The following ATP13A4 variants were observed in gnomAD, a reference collection of about 807,000 sequenced individuals.
The protein encoded by ATP13A4 is probable cation-transporting ATPase 13A4.
Under a neutral mutation model 142.5 loss-of-function variants are expected in ATP13A4, and 114 were observed. The observed-to-expected ratio is 0.80, with a 90% CI of 0.69 to 0.93. The LOEUF (loss-of-function observed/expected upper bound fraction) is 0.93, where lower values mean the gene tolerates loss of function less well. Among genes scored for constraint, ATP13A4 ranks in the 40% least tolerant of loss-of-function variants. The pLI is 0.00. For synonymous variants in ATP13A4, 488 were observed against 514.8 expected, an observed-to-expected ratio of 0.95 and a Z score of 0.70; for missense variants, 1,392 against 1,454.0, an observed-to-expected ratio of 0.96 and a Z score of 0.69.
At chr3:193,431,283 G>T (rs114731910) in intron 25 of ATP13A4, among the ~76,000 whole-genome samples, 1,618 of 149,100 alleles carry the variant, frequency 0.011, 15 homozygotes, top group Middle Eastern at 0.038. Context: ...TTGAATATCA[G>T]ATCTGGGGGA....
chr3:193,498,951 A>AAATG (rs1720393066), intron 3 of ATP13A4, among the ~76,000 whole-genome samples: 2 of 152,246 alleles, frequency 1.3e-5, no homozygotes, highest in Admixed American at 6.5e-5. Context: ...TTTATTAAAT[A>AAATG]AATGAATGAA....
At chr3:193,592,174 C>T (rs1577093877) in intron 1 of ATP13A4, among the ~76,000 whole-genome samples, 1 of 151,616 alleles carries the variant, frequency 6.6e-6, no homozygotes, top group African/African-American at 2.4e-5. Flanking sequence ...GGTGAAAGGT[C>T]CCTGAAGTAA....
In ATP13A4 at chr3:193,493,154, A is replaced by G; in HGVS notation, c.388T>C (p.Cys130Arg). ...TATCTTATTTTCTGCACTTTGATGC[A>G]TCTCACCTGCAAAAGAAAAGTACTA... The part of the protein sequence containing the change: ...AIRKPDLKVR[C>R]IKVQKIRYVW... Residue 130 changes from cysteine (C) to arginine (R), a missense_variant, in exon 4 of 30, where the codon TGC becomes CGC. Cys to Arg is a radical substitution (Grantham distance 180, BLOSUM62 -3). Transcript: ENST00000342695. The G allele has an allele frequency of 6.2e-7, 1 of 1,612,582 alleles. No homozygotes were observed. The highest frequency in any genetic ancestry group is 8.5e-7 in the Non-Finnish European group (1 of 1,179,536).
chr3:193,435,995 T>A (rs1716245155), intron 23 of ATP13A4, among the ~76,000 whole-genome samples: 1 of 152,198 alleles, frequency 6.6e-6, no homozygotes, highest in Non-Finnish European at 1.5e-5. Flanking sequence ...AGATTTACAG[T>A]TGCTCTTGTC....
At chr3:193,569,843 T>C (rs60063357) in intron 2 of ATP13A4, among the ~76,000 whole-genome samples, 4,266 of 152,106 alleles carry the variant, frequency 0.028, 179 homozygotes, top group African/African-American at 0.092. Context: ...CCAGTACTGG[T>C]TACTTAATTG....
Position 193,470,998 on chromosome 3 carries a change from A to C in ATP13A4, c.809-5T>G. On this transcript the variant is annotated splice_region_variant and splice_polypyrimidine_tract_variant and intron_variant, in intron 8 of 29. Coordinates refer to ENST00000342695, the MANE Select transcript of ATP13A4 (RefSeq NM_032279.4). The stretch of plus-strand genomic sequence containing the variant: ...ATTCCAGCTCTTGAACTCCAGCTGA[A>C]AGTGGGAGGAGACAGAGTTGAGTCA... 6.2e-7 allele frequency: 1 copy of C among 1,614,176 alleles called. No homozygotes were observed. Among genetic ancestry groups the C allele is most frequent in the Non-Finnish European group, 8.5e-7 (1 of 1,179,992 alleles).
chr3:193,435,765 T>A (rs1475461460), intron 23 of ATP13A4, 21 bp from the exon 24 acceptor site: 1 of 1,583,800 alleles, frequency 6.3e-7, no homozygotes, highest in African/African-American at 1.3e-5. Context: ...AAAGAAATGA[T>A]AAAGACATGA....
intron 1 of ATP13A4, among the ~76,000 whole-genome samples, chr3:193,521,710 A>G (rs1013384080): frequency 8.5e-5 from 13 of 152,060 alleles, no homozygotes; most frequent in Non-Finnish European, 1.9e-4. Flanking sequence ...AGGCGGGCAG[A>G]TCACCTCAGG....
At chr3:193,457,894 A>C (rs1717729834) in intron 14 of ATP13A4, among the ~76,000 whole-genome samples, 1 of 152,188 alleles carries the variant, frequency 6.6e-6, no homozygotes, top group South Asian at 2.1e-4. Context: ...GGGCTGGGGT[A>C]GGGCAGGGCA....
At chr3:193,558,788 G>C (rs1034502095), upstream of ATP13A4, among the ~76,000 whole-genome samples, 6 of 152,152 alleles carry the variant, frequency 3.9e-5, no homozygotes, top group African/African-American at 1.4e-4. Context: ...AGAATTGAGA[G>C]GAATGTCCAA....
chr3:193,474,472 G>T (rs1279719364), intron 8 of ATP13A4, among the ~76,000 whole-genome samples: 2 of 151,302 alleles, frequency 1.3e-5, no homozygotes, highest in Admixed American at 1.3e-4. Context: ...GGAGGTCGAG[G>T]CTGCAGTGAG....
Position 193,475,260 on chromosome 3 carries a change from G to A in ATP13A4, c.809-4267C>T, listed in dbSNP as rs146629820. Among the ~76,000 whole-genome samples the A allele has an allele frequency of 2.0e-3, 298 of 152,020 alleles. 6 individuals are homozygous for A. Among genetic ancestry groups the A allele is most frequent in the African/African-American group, 7.0e-3 (290 of 41,404 alleles). On this transcript the variant is annotated intron_variant, in intron 8 of 29. Transcript: ENST00000342695. ...AACTGAGAAATGTTTTTTCAATAGA[G>A]GATTGACTGAATAAACAATGGCTCC...
intron 1 of ATP13A4, among the ~76,000 whole-genome samples, chr3:193,537,661 T>C (rs564820065): frequency 2.0e-5 from 3 of 152,094 alleles, no homozygotes; most frequent in Non-Finnish European, 4.4e-5. Flanking sequence ...GAAAAACTAC[T>C]GAATGAGAGA....
chr3:193,466,636 G>A (rs575941373), intron 10 of ATP13A4, among the ~76,000 whole-genome samples: 96 of 152,352 alleles, frequency 6.3e-4, no homozygotes, highest in African/African-American at 2.2e-3. Flanking sequence ...GATGAGACCT[G>A]AGTTCTAGGT....
chr3:193,522,582 T>C (rs1420898373), intron 1 of ATP13A4, among the ~76,000 whole-genome samples: 1 of 152,132 alleles, frequency 6.6e-6, no homozygotes, highest in Non-Finnish European at 1.5e-5. Flanking sequence ...ATGAAGACAC[T>C]CCCTCCTCCT....
intron 8 of ATP13A4, among the ~76,000 whole-genome samples, chr3:193,472,330 G>A (rs1384284466): frequency 2.6e-5 from 4 of 152,270 alleles, no homozygotes; most frequent in South Asian, 4.1e-4. Flanking sequence ...TACACTCCCT[G>A]CTTGTCAGTC....
rs1420129139 is a variant in ATP13A4 at position 193,529,099 on chromosome 3, G to A, written c.61-14228C>T. On this transcript the variant is annotated intron_variant, in intron 1 of 29. Coordinates refer to ENST00000342695, the MANE Select transcript of ATP13A4 (RefSeq NM_032279.4). ...ATCCTAGCTAACATGGCGAAACCCC[G>A]TCTCTACTAAAAATACGAAAATTAG... is the stretch of plus-strand genomic sequence containing the variant. Among the ~76,000 whole-genome samples the A allele has an allele frequency of 4.6e-5, 7 of 152,102 alleles. No homozygotes were observed. In the South Asian group the frequency reaches 1.2e-3, roughly 27 times the overall value.
intron 3 of ATP13A4, among the ~76,000 whole-genome samples, chr3:193,497,394 T>C (rs961577716): frequency 1.3e-5 from 2 of 152,120 alleles, no homozygotes; most frequent in Non-Finnish European, 2.9e-5. Flanking sequence ...GTTAGAATGC[T>C]ATTATCAAAA....
At chr3:193,459,393 A>G (rs574496694) in intron 13 of ATP13A4, among the ~76,000 whole-genome samples, 162 bp from the exon 14 acceptor site, 2 of 152,222 alleles carry the variant, frequency 1.3e-5, no homozygotes, top group Non-Finnish European at 1.5e-5. Flanking sequence ...CATTCAGCCA[A>G]GTAAGTTCAC....
Sources: allele counts gnomAD v4.1 joint callset (sites outside exome capture counted in the v4.1 genomes callset), GRCh38; gene constraint gnomAD v4.1.1; transcripts MANE v1.5; gene names NCBI Gene and HGNC (gene_info 2026-07-23, HGNC 2026-07-21).